Variants in IL1R1 observed in about 807,000 individuals in gnomAD.
The protein encoded by IL1R1 is interleukin-1 receptor type 1.
IL1R1 carries 22 observed loss-of-function variants against 50.2 expected under a neutral mutation model. That is an observed-to-expected ratio of 0.44 (90% CI 0.31 to 0.63). The LOEUF (loss-of-function observed/expected upper bound fraction) is 0.63, where lower values mean the gene tolerates loss of function less well. Ranked by LOEUF, IL1R1 falls within the 20% of genes least tolerant of loss-of-function variation. The probability of loss-of-function intolerance (pLI) is 0.07; values close to 1 mark genes in which losing one functional copy is unlikely to be tolerated. For missense variants in IL1R1, 509 were observed against 676.2 expected, an observed-to-expected ratio of 0.75 and a Z score of 2.74; for synonymous variants, 251 against 236.7, an observed-to-expected ratio of 1.06 and a Z score of -0.55.
Position 102,177,071 on chromosome 2 carries a change from G to T in IL1R1, c.*312G>T. On this transcript the variant is annotated 3_prime_UTR_variant, in exon 12 of 12. Transcript: ENST00000410023. ...ACCAGAGGTCAGGAGTTCGAGACCAGCCCAGCCAACATGGCAAAACCCCAT... is the reference window on the plus strand; with the variant it reads ...ACCAGAGGTCAGGAGTTCGAGACCATCCCAGCCAACATGGCAAAACCCCAT... 3.5e-6 allele frequency: 1 copy of T among 285,068 alleles called. No individual in the cohort carries two copies. The highest frequency in any genetic ancestry group is 6.6e-6 in the Non-Finnish European group (1 of 150,654). 17.7% of individuals were successfully genotyped at this position (285,068 alleles called of 1,614,324 possible). A position where few individuals can be genotyped will look rare whatever the true frequency, so the allele number is the denominator to read the frequency against.
chr2:102,168,841 A>G (rs751394917), intron 7 of IL1R1, among the ~76,000 whole-genome samples, 178 bp downstream of exon 7: 8 of 152,166 alleles, frequency 5.3e-5, no homozygotes, highest in Non-Finnish European at 1.2e-4. Context: ...CTCTATGGCA[A>G]ACATCTTGCC....
At chr2:102,165,541 A>C (rs1285753421) in intron 5 of IL1R1, among the ~76,000 whole-genome samples, 1 of 152,224 alleles carries the variant, frequency 6.6e-6, no homozygotes, top group Non-Finnish European at 1.5e-5. Flanking sequence ...TGAGAAAAGT[A>C]CTAGAAATAG....
Position 102,071,476 on chromosome 2 carries a change from G to A in IL1R1, c.-84+943G>A, listed in dbSNP as rs141345666. ...TTGCATGGCATTTTATTGTAAGATTGTGTCATAATGTATTTATTCAGTTCC... is the reference window on the plus strand; with the variant it reads ...TTGCATGGCATTTTATTGTAAGATTATGTCATAATGTATTTATTCAGTTCC... On this transcript the variant is annotated intron_variant, in intron 1 of 11. Coordinates refer to the IL1R1 transcript ENST00000409929. Among the ~76,000 whole-genome samples the A allele has an allele frequency of 6.5e-3, 993 of 152,296 alleles. 7 individuals carry two copies. Among genetic ancestry groups the A allele is most frequent in the African/African-American group, 0.023 (946 of 41,562 alleles).
At chr2:102,075,772 T>C (rs2104274565) in intron 1 of IL1R1, among the ~76,000 whole-genome samples, 1 of 152,210 alleles carries the variant, frequency 6.6e-6, no homozygotes, top group East Asian at 1.9e-4. Context: ...AAAATACAGG[T>C]TAAAGACAGA....
chr2:102,127,731 T>A (rs1407905186), intron 1 of IL1R1, among the ~76,000 whole-genome samples: 1 of 151,528 alleles, frequency 6.6e-6, no homozygotes, highest in East Asian at 1.9e-4. Flanking sequence ...GGATACCTAT[T>A]TGGCAACAAG....
exon 1 of IL1R1, chr2:102,104,741 C>G (rs573895227): frequency 5.3e-5 from 8 of 152,154 alleles, no homozygotes; most frequent in Non-Finnish European, 8.8e-5. Context: ...AAAGCACTTT[C>G]GTTTTTTAAT....
intron 1 of IL1R1, among the ~76,000 whole-genome samples, chr2:102,107,449 A>G (rs1274759824): frequency 1.4e-5 from 2 of 147,838 alleles, no homozygotes; most frequent in African/African-American, 2.5e-5. Flanking sequence ...CAATGAGAAC[A>G]CTTGGACACA....
Position 102,072,216 on chromosome 2 carries a change from T to C in IL1R1, c.-84+1683T>C, listed in dbSNP as rs907377478. Among the ~76,000 whole-genome samples the C allele has an allele frequency of 2.0e-5, 3 of 149,576 alleles. No homozygotes were observed. The South Asian group carries it at 6.3e-4, about 31-fold the overall frequency. ...TGGAGGTTGCAGTGAGCCGAGATTG[T>C]GCCATTGCACTCCAGCCTGGGTGAC... is the stretch of plus-strand genomic sequence containing the variant. On this transcript the variant is annotated intron_variant, in intron 1 of 11. Coordinates refer to the IL1R1 transcript ENST00000409929.
chr2:102,104,361 A>G (rs1680287639), upstream of IL1R1, among the ~76,000 whole-genome samples: 1 of 152,222 alleles, frequency 6.6e-6, no homozygotes, highest in Non-Finnish European at 1.5e-5. Flanking sequence ...TGATGGGAAC[A>G]TGATAATGAG....
chr2:102,109,725 T>C (rs1490949720), intron 1 of IL1R1, among the ~76,000 whole-genome samples: 1 of 152,134 alleles, frequency 6.6e-6, no homozygotes, highest in Admixed American at 6.6e-5. Flanking sequence ...ACCATCCAAT[T>C]TATCACACCA....
In IL1R1 at chr2:102,129,256, TACAACA is replaced by T. The variant is rs71866133; in HGVS notation, c.-84+24419_-84+24424del. On this transcript the variant is annotated intron_variant, in intron 1 of 10. Transcript: ENST00000409329. ...AATCAACAATGAAACCCCAAAAACC[TACAACA>T]ACAACAACAACAACAACAACAACAA... is the stretch of plus-strand genomic sequence containing the variant. 9.3e-3 allele frequency among the ~76,000 whole-genome samples: 1,393 copies of T among 149,422 alleles called. 7 individuals are homozygous for T. Among genetic ancestry groups the T allele is most frequent in the Middle Eastern group, 0.021 (6 of 288 alleles).
chr2:102,175,929 A>G (rs1327032628), intron 11 of IL1R1: 1 of 523,496 alleles, frequency 1.9e-6, no homozygotes, highest in Non-Finnish European at 3.3e-6. Context: ...GGAGTGGTAG[A>G]GATCAAATGA....
At chr2:102,108,541 A>C (rs1176949195) in intron 1 of IL1R1, among the ~76,000 whole-genome samples, 1 of 152,178 alleles carries the variant, frequency 6.6e-6, no homozygotes, top group South Asian at 2.1e-4. Context: ...GGGCGGATCA[A>C]TCAATGTTTC....
At chr2:102,126,325 C>A (rs962393914) in intron 1 of IL1R1, among the ~76,000 whole-genome samples, 8 of 152,192 alleles carry the variant, frequency 5.3e-5, no homozygotes, top group Non-Finnish European at 1.0e-4. Context: ...GCTGAAACAG[C>A]TTGTGCCTCG....
In IL1R1 at chr2:102,171,890, GA is replaced by G; in HGVS notation, c.812del (p.Asp271AlafsTer4). ...GAATGGGTCAGTAATTGATGAAGAT[GA>G]CCCAGTGCTAGGGGAAGACTATTAC... is the stretch of plus-strand genomic sequence containing the variant. ...KWNGSVIDEDDPVLGEDYYSV... is the reference protein window; with the variant it reads ...KWNGSVIDEDXPVLGEDYYSV... On this transcript the variant is annotated frameshift_variant, in exon 8 of 12. Coordinates refer to ENST00000410023, the MANE Select transcript of IL1R1 (RefSeq NM_000877.4). LOFTEE classifies it high-confidence loss of function. 1 of 1,602,610 alleles carries G rather than the reference GA, an allele frequency of 6.2e-7. No individual in the cohort carries two copies. Among genetic ancestry groups the G allele is most frequent in the East Asian group, 2.2e-5 (1 of 44,738 alleles).
intron 1 of IL1R1, among the ~76,000 whole-genome samples, chr2:102,146,802 C>T (rs995129096): frequency 6.6e-6 from 1 of 152,206 alleles, no homozygotes; most frequent in Non-Finnish European, 1.5e-5. Flanking sequence ...CAAGTCTTTT[C>T]TGAGCAGAAC....
intron 5 of IL1R1, among the ~76,000 whole-genome samples, chr2:102,165,869 G>A (rs1331563808): frequency 6.6e-6 from 1 of 152,022 alleles, no homozygotes; most frequent in Non-Finnish European, 1.5e-5. Flanking sequence ...TGTTTTTCTT[G>A]CAAAATAAAT....
intron 1 of IL1R1, among the ~76,000 whole-genome samples, chr2:102,118,737 G>A (rs1356732220): frequency 6.6e-6 from 1 of 152,156 alleles, no homozygotes; most frequent in African/African-American, 2.4e-5. Context: ...GAAAAGTAGG[G>A]CCGGGTGTGG....
intron 3 of IL1R1, among the ~76,000 whole-genome samples, chr2:102,164,078 A>G (rs1684958120): frequency 6.6e-6 from 1 of 152,056 alleles, no homozygotes; most frequent in African/African-American, 2.4e-5. Flanking sequence ...TACTCCCTCC[A>G]GTTCGTTTGG....
Sources: allele counts gnomAD v4.1 joint callset (sites outside exome capture counted in the v4.1 genomes callset), GRCh38; gene constraint gnomAD v4.1.1; transcripts MANE v1.5; gene names NCBI Gene and HGNC (gene_info 2026-07-23, HGNC 2026-07-21).